The following ZNF708 variants were observed in gnomAD, a reference collection of about 807,000 sequenced individuals.
ZNF708 encodes zinc finger protein 708.
ZNF708 carries 44 observed loss-of-function variants against 47.0 expected under a neutral mutation model. That is an observed-to-expected ratio of 0.94 (90% CI 0.74 to 1.20). The LOEUF (loss-of-function observed/expected upper bound fraction) is 1.20. Ranked by LOEUF, ZNF708 falls within the 50% of genes most tolerant of loss-of-function variation. The probability of loss-of-function intolerance (pLI) is 0.00; values close to 1 mark genes in which losing one functional copy is unlikely to be tolerated. For missense variants in ZNF708, 557 were observed against 656.0 expected, an observed-to-expected ratio of 0.85 and a Z score of 1.65; for synonymous variants, 184 against 218.5, an observed-to-expected ratio of 0.84 and a Z score of 1.39.
At chr19:21,294,834 T>C (rs997698747) in intron 3 of ZNF708, 95 bp from the exon 4 acceptor site, 11 of 1,206,838 alleles carry the variant, frequency 9.1e-6, no homozygotes, top group African/African-American at 1.5e-5. Flanking sequence ...CAAGATGACA[T>C]AGCAAAATAC....
At chr19:21,309,394 A>T (rs1972852221) in intron 2 of ZNF708, 53 bp from the exon 3 acceptor site, 1 of 1,459,798 alleles carries the variant, frequency 6.9e-7, no homozygotes, top group Middle Eastern at 1.8e-4. Flanking sequence ...TCCAATTACC[A>T]ACCTAGTAAT....
At chr19:21,319,923 C>G (rs977606653) in intron 1 of ZNF708, among the ~76,000 whole-genome samples, 22 of 152,152 alleles carry the variant, frequency 1.4e-4, no homozygotes, top group Admixed American at 1.4e-3. Context: ...AGCCTGTAAT[C>G]CAAGCACTTT....
At position 21,293,970 on chromosome 19, in the gene ZNF708, A is replaced by C. The variant is rs776162285; in HGVS notation, c.996T>G (p.Gly332=). Residue 332 remains glycine, a synonymous_variant, in exon 4 of 4, where the codon GGT becomes GGG. Coordinates refer to ENST00000356929, the MANE Select transcript of ZNF708 (RefSeq NM_021269.3). The stretch of plus-strand genomic sequence containing the variant: ...ATTCTTCACATTTGTAGGGTTTCTC[A>C]CCAGTATGAATCCTCTTATGTGTAG... ...HLTTHKRIHT[G]EKPYKCEECG... is the part of the protein sequence containing the mutation. 1.9e-6 allele frequency: 3 copies of C among 1,576,720 alleles called. No individual in the cohort carries two copies. In the East Asian group the frequency reaches 6.9e-5, roughly 37 times the overall value.
chr19:21,308,263 A>G (rs1972825657), intron 3 of ZNF708, among the ~76,000 whole-genome samples: 1 of 151,866 alleles, frequency 6.6e-6, no homozygotes, highest in Non-Finnish European at 1.5e-5. Context: ...CTAAATTTAC[A>G]TGAAACTATA....
intron 1 of ZNF708, among the ~76,000 whole-genome samples, chr19:21,323,185 T>C (rs1264490137): frequency 6.6e-6 from 1 of 152,242 alleles, no homozygotes; most frequent in Admixed American, 6.5e-5. Context: ...GAACAGTTTA[T>C]CGAAAGAAAC....
At chr19:21,309,199 C>T (rs765034758) in intron 3 of ZNF708, 47 bp downstream of exon 3, 5 of 1,496,446 alleles carry the variant, frequency 3.3e-6, no homozygotes, top group Non-Finnish European at 4.5e-6. Flanking sequence ...TCTCTTTTAC[C>T]TTTGGACCTC....
Position 21,329,195 on chromosome 19 carries a change from G to A in ZNF708, c.3+15C>T. 2 of 1,612,132 alleles carry A rather than the reference G, an allele frequency of 1.2e-6. No homozygotes were observed. Among genetic ancestry groups the A allele is most frequent in the South Asian group, 1.1e-5 (1 of 91,070 alleles). ...AGCCCTTCCCCTCTCTCGGGATGTC[G>A]GACGGCACTCTCACCATTTCTAGGC... On this transcript the variant is annotated intron_variant, in intron 1 of 3. Transcript: ENST00000356929.
intron 3 of ZNF708, among the ~76,000 whole-genome samples, chr19:21,300,332 C>A (rs1182380151): frequency 6.6e-6 from 1 of 151,622 alleles, no homozygotes; most frequent in East Asian, 1.9e-4. Context: ...CATGGAGAAA[C>A]CCCATCTCTA....
At chr19:21,297,710 G>C (rs893537964) in intron 3 of ZNF708, among the ~76,000 whole-genome samples, 4 of 151,354 alleles carry the variant, frequency 2.6e-5, no homozygotes, top group Non-Finnish European at 5.9e-5. Context: ...CAAATACCAA[G>C]ATTCATTTGC....
intron 1 of ZNF708, among the ~76,000 whole-genome samples, chr19:21,319,736 T>TA (rs1025720564): frequency 3.9e-5 from 6 of 152,068 alleles, no homozygotes; most frequent in Non-Finnish European, 7.4e-5. Flanking sequence ...TAGAAAAATG[T>TA]AAAAAAACAC....
intron 3 of ZNF708, among the ~76,000 whole-genome samples, chr19:21,298,982 C>G (rs1337228062): frequency 2.0e-5 from 3 of 152,148 alleles, no homozygotes; most frequent in Non-Finnish European, 4.4e-5. Flanking sequence ...TATGATATGT[C>G]TAACAGTTAC....
chr19:21,305,080 G>A (rs776793147), intron 3 of ZNF708, among the ~76,000 whole-genome samples: 4 of 148,926 alleles, frequency 2.7e-5, no homozygotes, highest in African/African-American at 5.0e-5. Context: ...GTGTGATCTC[G>A]GCTCACTACA....
chr19:21,295,090 TA>T (rs1046142586), intron 3 of ZNF708, among the ~76,000 whole-genome samples: 2 of 145,754 alleles, frequency 1.4e-5, no homozygotes, highest in Non-Finnish European at 3.0e-5. Context: ...TTTAAAAGAC[TA>T]AAAAAAATAG....
At chr19:21,316,911 C>T (rs1327756690) in intron 1 of ZNF708, among the ~76,000 whole-genome samples, 1 of 151,918 alleles carries the variant, frequency 6.6e-6, no homozygotes, top group Non-Finnish European at 1.5e-5. Context: ...CTCAGCCTCC[C>T]CAGTAGCTGG....
Position 21,309,307 on chromosome 19 carries a change from A to C in ZNF708, c.165T>G (p.Cys55Trp), listed in dbSNP as rs1972850046. 1 of 1,602,978 alleles carries C rather than the reference A, an allele frequency of 6.2e-7. No homozygotes were observed. Residue 55 changes from cysteine to tryptophan, a missense_variant, in exon 3 of 4, where the codon TGT becomes TGG. By Grantham distance (215) the Cys-to-Trp change is radical. Coordinates refer to ENST00000356929, the MANE Select transcript of ZNF708 (RefSeq NM_021269.3). Reference protein sequence around the residue: ...IAVSNLDLITCLEQGKEPWNM... With the variant: ...IAVSNLDLITWLEQGKEPWNM... ...TCCAGGGCTCTTTTCCTTGCTCCAG[A>C]CAGGTGATCAGGTCTAAATTAGACA...
Position 21,297,271 on chromosome 19 carries a change from T to TATATATATATATATATA in ZNF708, c.227-2533_227-2532insTATATATATATATATAT, listed in dbSNP as rs1491214834. On this transcript the variant is annotated intron_variant, in intron 3 of 3. Coordinates refer to ENST00000356929, the MANE Select transcript of ZNF708 (RefSeq NM_021269.3). ...ATATATATATATATATATATATATA[T>TATATATATATATATATA]TTTTTTTTTTTTTTTTTTTTTTTTT... Among the ~76,000 whole-genome samples the TATATATATATATATATA allele has an allele frequency of 2.1e-3, 36 of 16,960 alleles. 3 individuals are homozygous for TATATATATATATATATA. Among genetic ancestry groups the TATATATATATATATATA allele is most frequent in the East Asian group, 6.5e-3 (4 of 616 alleles). The allele number at this position is 16,960 out of a possible 152,430, so 11.1% of individuals were successfully genotyped here. A position where few individuals can be genotyped will look rare whatever the true frequency, so the allele number is the denominator to read the frequency against.
chr19:21,327,970 C>A, intron 1 of ZNF708: 1 of 1,024,912 alleles, frequency 9.8e-7, no homozygotes, highest in South Asian at 3.9e-5. Flanking sequence ...CTCAGGTTGT[C>A]CTCAGGGAGA....
At chr19:21,294,838 A>C in intron 3 of ZNF708, 99 bp from the exon 4 acceptor site, 1 of 1,123,660 alleles carries the variant, frequency 8.9e-7, no homozygotes, top group South Asian at 1.7e-5. Flanking sequence ...ATGACATAGC[A>C]AAATACTACA....
At position 21,293,743 on chromosome 19, in the gene ZNF708, G is replaced by A. The variant is rs1241050893; in HGVS notation, c.1223C>T (p.Thr408Ile). The A allele has an allele frequency of 2.5e-6, 4 of 1,613,074 alleles. No homozygotes were observed. Among genetic ancestry groups the A allele is most frequent in the Non-Finnish European group, 2.5e-6 (3 of 1,179,756 alleles). Reference sequence around the variant, plus strand: ...TCCAGTATGAATTACCTTATGATAAGTAAGAGTTGAGGACTTGGTAAAGGC... The same window carrying A: ...TCCAGTATGAATTACCTTATGATAAATAAGAGTTGAGGACTTGGTAAAGGC... ...GKAFTKSSTL[T>I]YHKVIHTGKK... Residue 408 changes from threonine (T) to isoleucine (I), a missense_variant, in exon 4 of 4, where the codon ACT becomes ATT. Transcript: ENST00000356929.
Sources: gnomAD v4.1 joint callset for allele counts (sites outside exome capture counted in the v4.1 genomes callset) on GRCh38, gnomAD v4.1.1 for gene constraint, MANE v1.5 for transcripts, NCBI Gene and HGNC (gene_info 2026-07-23, HGNC 2026-07-21) for gene names.